Variants in PTPRM observed in about 807,000 individuals in gnomAD.
PTPRM encodes the protein protein tyrosine phosphatase receptor type M, also known as receptor-type tyrosine-protein phosphatase mu.
Under a neutral mutation model 186.7 loss-of-function variants are expected in PTPRM, and 47 were observed. That is an observed-to-expected ratio of 0.25 (90% CI 0.20 to 0.32). PTPRM has a LOEUF of 0.32. PTPRM is among the 10% of genes least tolerant of loss of function. The pLI is 1.00. For missense variants in PTPRM, 1,494 were observed against 1,865.0 expected, an observed-to-expected ratio of 0.80 and a Z score of 3.66; for synonymous variants, 668 against 674.9, an observed-to-expected ratio of 0.99 and a Z score of 0.16.
chr18:8,192,907 C>G (rs146586847), intron 14 of PTPRM, among the ~76,000 whole-genome samples: 47 of 152,232 alleles, frequency 3.1e-4, no homozygotes, highest in African/African-American at 1.1e-3. Flanking sequence ...CAACACCTTG[C>G]TCAAATTTAG....
intron 7 of PTPRM, among the ~76,000 whole-genome samples, chr18:8,049,662 A>ATATG (rs2087325283): frequency 6.6e-6 from 1 of 151,760 alleles, no homozygotes; most frequent in African/African-American, 2.4e-5. Flanking sequence ...AAACATATAT[A>ATATG]TATATATACT....
intron 14 of PTPRM, among the ~76,000 whole-genome samples, chr18:8,196,460 G>T (rs1423063514): frequency 6.6e-6 from 1 of 152,218 alleles, no homozygotes; most frequent in Non-Finnish European, 1.5e-5. Flanking sequence ...GAGGTGCTGC[G>T]CAGGTCAGCA....
chr18:8,192,497 C>G (rs1322037335), intron 14 of PTPRM, among the ~76,000 whole-genome samples: 1 of 152,054 alleles, frequency 6.6e-6, no homozygotes, highest in African/African-American at 2.4e-5. Flanking sequence ...TGAAAGGGCT[C>G]CCACAGGCCA....
intron 7 of PTPRM, among the ~76,000 whole-genome samples, chr18:8,003,108 C>T (rs563856407): frequency 5.1e-4 from 78 of 152,236 alleles, no homozygotes; most frequent in African/African-American, 1.8e-3. Context: ...GGCAGTGTCC[C>T]CACCCAAATC....
intron 1 of PTPRM, among the ~76,000 whole-genome samples, chr18:7,701,609 A>G (rs530945967): frequency 2.3e-3 from 353 of 152,178 alleles, no homozygotes; most frequent in Non-Finnish European, 3.8e-3. Context: ...AAAAATATAT[A>G]TATAATAATA....
At chr18:7,889,729 T>C (rs568324823) in intron 3 of PTPRM, among the ~76,000 whole-genome samples, 1 of 126,992 alleles carries the variant, frequency 7.9e-6, no homozygotes, top group East Asian at 2.8e-4. Flanking sequence ...TGCAAATGGG[T>C]CTCAGGAGTA....
chr18:7,893,574 C>T (rs992147186), intron 3 of PTPRM, among the ~76,000 whole-genome samples: 1 of 152,202 alleles, frequency 6.6e-6, no homozygotes, highest in African/African-American at 2.4e-5. Flanking sequence ...CTACTACCAA[C>T]TCCTGATGAA....
intron 7 of PTPRM, among the ~76,000 whole-genome samples, chr18:8,052,624 T>G (rs1443498942): frequency 6.6e-6 from 1 of 152,210 alleles, no homozygotes; most frequent in Non-Finnish European, 1.5e-5. Context: ...TCTCTGTTTT[T>G]GGGAGATGCA....
Position 8,331,228 on chromosome 18 carries a change from C to A in PTPRM, c.2956+12014C>A, listed in dbSNP as rs115890513. On this transcript the variant is annotated intron_variant, in intron 22 of 32. Coordinates refer to ENST00000580170, the MANE Select transcript of PTPRM (RefSeq NM_001105244.2). ...AAGAATGAAATGCAAATAATGGTTT[C>A]TTTCGGTAGATGGAGTTTCCAGAAA... is the stretch of plus-strand genomic sequence containing the variant. Among the ~76,000 whole-genome samples, 260 of 152,308 alleles carry A rather than the reference C, an allele frequency of 1.7e-3. 2 individuals are homozygous for A. The highest frequency in any genetic ancestry group is 6.1e-3 in the African/African-American group (253 of 41,574).
intron 20 of PTPRM, among the ~76,000 whole-genome samples, chr18:8,303,082 G>A (rs995031803): frequency 2.0e-5 from 3 of 152,108 alleles, no homozygotes; most frequent in Admixed American, 1.3e-4. Context: ...ATCTGTGGAG[G>A]GAGCAAGGAG....
At chr18:7,684,456 T>C (rs192295386) in intron 1 of PTPRM, among the ~76,000 whole-genome samples, 1 of 152,282 alleles carries the variant, frequency 6.6e-6, no homozygotes, top group Admixed American at 6.5e-5. Context: ...CTCTAGAACT[T>C]ATCTTGGAGT....
At chr18:8,389,026 C>T (rs1370504191) in intron 31 of PTPRM, among the ~76,000 whole-genome samples, 1 of 152,128 alleles carries the variant, frequency 6.6e-6, no homozygotes, top group Non-Finnish European at 1.5e-5. Context: ...AGTCCACATC[C>T]CTATTTTTAT....
intron 1 of PTPRM, among the ~76,000 whole-genome samples, chr18:7,730,400 C>T (rs1411378768): frequency 1.3e-5 from 2 of 152,114 alleles, no homozygotes; most frequent in African/African-American, 4.8e-5. Context: ...GGTTCCTCCT[C>T]AAGTTATGAA....
chr18:8,176,645 A>C (rs1207596765), intron 14 of PTPRM, among the ~76,000 whole-genome samples: 1 of 152,210 alleles, frequency 6.6e-6, no homozygotes, highest in Non-Finnish European at 1.5e-5. Flanking sequence ...TTGATCGTCC[A>C]CATGACTTGC....
At chr18:7,938,077 G>A (rs969504076) in intron 5 of PTPRM, among the ~76,000 whole-genome samples, 1 of 152,160 alleles carries the variant, frequency 6.6e-6, no homozygotes, top group Non-Finnish European at 1.5e-5. Context: ...CTTACAATCT[G>A]AACATAGAGA....
chr18:7,842,858 A>AGAG (rs397838868), intron 2 of PTPRM, among the ~76,000 whole-genome samples: 1 of 119,626 alleles, frequency 8.4e-6, no homozygotes. Flanking sequence ...AGAGAGAGAG[A>AGAG]AACATATATA....
At chr18:7,942,073 A>C (rs1406516604) in intron 5 of PTPRM, among the ~76,000 whole-genome samples, 1 of 152,134 alleles carries the variant, frequency 6.6e-6, no homozygotes, top group Non-Finnish European at 1.5e-5. Flanking sequence ...TTACAAGTTC[A>C]GGATTTCGAG....
intron 7 of PTPRM, among the ~76,000 whole-genome samples, chr18:7,984,641 A>G (rs1267399526): frequency 1.1e-4 from 15 of 137,064 alleles, no homozygotes; most frequent in Non-Finnish European, 2.3e-4. Flanking sequence ...ACCCCCATAT[A>G]TGTATATGTG....
chr18:7,635,064 G>A (rs1434496032), intron 1 of PTPRM, among the ~76,000 whole-genome samples: 1 of 151,560 alleles, frequency 6.6e-6, no homozygotes. Flanking sequence ...AGGCTTTCAG[G>A]GAAAATAATT....
Sources: allele counts gnomAD v4.1 joint callset (sites outside exome capture counted in the v4.1 genomes callset), GRCh38; gene constraint gnomAD v4.1.1; transcripts MANE v1.5; gene names NCBI Gene and HGNC (gene_info 2026-07-23, HGNC 2026-07-21).